Variants in VSTM2A observed in about 807,000 individuals in gnomAD.
The protein encoded by VSTM2A is V-set and transmembrane domain containing 2A.
A neutral mutation model predicts 27.3 loss-of-function variants in VSTM2A; 13 were observed. The observed-to-expected ratio is 0.48, with a 90% CI of 0.31 to 0.76. The LOEUF (loss-of-function observed/expected upper bound fraction) is 0.76, where lower values mean the gene tolerates loss of function less well. Among genes scored for constraint, VSTM2A ranks in the 30% least tolerant of loss-of-function variants. The pLI is 0.05. For synonymous variants in VSTM2A, 142 were observed against 125.7 expected (o/e 1.13, Z -0.87); for missense variants, 280 against 310.0 (o/e 0.90, Z 0.73).
At chr7:54,566,829 C>T (rs1403327480) in intron 4 of VSTM2A, among the ~76,000 whole-genome samples, 34 of 152,280 alleles carry the variant, frequency 2.2e-4, no homozygotes, top group Non-Finnish European at 7.3e-5. Context: ...CTGCGTGTCT[C>T]ACAAAAGAAA....
In VSTM2A at chr7:54,542,906, G is replaced by A. The variant is rs763102730; in HGVS notation, c.79+97G>A. Reference sequence around the variant, plus strand: ...ACAGGCAGATAGAATAAGCTTCCTAGCAAGTAACAGTGGGCTTAGGCTGTA... The same window carrying A: ...ACAGGCAGATAGAATAAGCTTCCTAACAAGTAACAGTGGGCTTAGGCTGTA... On this transcript the variant is annotated intron_variant, in intron 1 of 4. Coordinates refer to ENST00000402613, the MANE Select transcript of VSTM2A (RefSeq NM_001301009.2). The A allele has an allele frequency of 1.7e-4, 198 of 1,151,716 alleles. 1 individual carries two copies. The highest frequency in any genetic ancestry group is 2.2e-4 in the Non-Finnish European group (174 of 783,816). The allele number at this position is 1,151,716 out of a possible 1,614,324, so 71.3% of individuals were successfully genotyped here. A position where few individuals can be genotyped will look rare whatever the true frequency, so the allele number is the denominator to read the frequency against.
At chr7:54,547,368 T>C (rs1185382491) in intron 3 of VSTM2A, among the ~76,000 whole-genome samples, 1 of 152,172 alleles carries the variant, frequency 6.6e-6, no homozygotes, top group Non-Finnish European at 1.5e-5. Flanking sequence ...AAAATATTTT[T>C]AGGGAGAAAA....
chr7:54,557,983 T>C (rs541501462), intron 4 of VSTM2A: 1 of 152,140 alleles, frequency 6.6e-6, no homozygotes, highest in South Asian at 2.1e-4. Flanking sequence ...ATGCCATTAA[T>C]TGATGATAAA....
At chr7:54,567,653 C>T (rs573192041) in intron 4 of VSTM2A, among the ~76,000 whole-genome samples, 12 of 152,308 alleles carry the variant, frequency 7.9e-5, no homozygotes, top group South Asian at 2.1e-4. Flanking sequence ...TATTTTACCA[C>T]GTTGTATTTG....
At chr7:54,554,070 C>T in intron 4 of VSTM2A, 1 of 1,551,954 alleles carries the variant, frequency 6.4e-7, no homozygotes, top group Non-Finnish European at 8.7e-7. Context: ...GCTGGCTCCT[C>T]CAGGTAAATT....
chr7:54,559,669 C>T (rs1047706066), intron 4 of VSTM2A: 2 of 152,006 alleles, frequency 1.3e-5, no homozygotes, highest in East Asian at 1.9e-4. Context: ...GATATCATAG[C>T]GAGTCATGAA....
chr7:54,555,936 A>G (rs1331906444), intron 4 of VSTM2A, among the ~76,000 whole-genome samples: 1 of 152,228 alleles, frequency 6.6e-6, no homozygotes, highest in Admixed American at 6.5e-5. Flanking sequence ...AACTCCACCC[A>G]GTGCCTACTG....
chr7:54,544,804 G>C lies in VSTM2A; in HGVS notation c.246+16G>C. The C allele has an allele frequency of 3.2e-6, 5 of 1,584,652 alleles. No homozygotes were observed. Among genetic ancestry groups the C allele is most frequent in the Non-Finnish European group, 4.3e-6 (5 of 1,165,732 alleles). The stretch of plus-strand genomic sequence containing the variant: ...CGGCGCGCAGGTAGCGGAGCCCGCC[G>C]ACCCCGCGTCTCCCCTTCGCTCGCC... On this transcript the variant is annotated intron_variant, in intron 2 of 4. Transcript: ENST00000402613.
intron 4 of VSTM2A, among the ~76,000 whole-genome samples, chr7:54,556,338 G>A (rs901147834): frequency 1.3e-5 from 2 of 152,220 alleles, no homozygotes; most frequent in Non-Finnish European, 2.9e-5. Context: ...GAACCTGACT[G>A]TTAAGAGGCA....
chr7:54,550,273 A>G (rs1788146848), intron 4 of VSTM2A, 103 bp downstream of exon 4: 2 of 1,515,840 alleles, frequency 1.3e-6, no homozygotes, highest in Non-Finnish European at 8.8e-7. Flanking sequence ...GATTTTTAAA[A>G]TCGGAGACCT....
intron 4 of VSTM2A, among the ~76,000 whole-genome samples, chr7:54,561,923 G>T (rs1788573645): frequency 6.9e-6 from 1 of 144,402 alleles, no homozygotes; most frequent in Non-Finnish European, 1.5e-5. Context: ...TTAGTTTTTT[G>T]TTTGTTTTTT....
At position 54,544,606 on chromosome 7, in the gene VSTM2A, CCTTT is replaced by C; in HGVS notation, c.80-13_80-10del. 6.2e-7 allele frequency: 1 copy of C among 1,612,764 alleles called. No homozygotes were observed. Among genetic ancestry groups the C allele is most frequent in the Non-Finnish European group, 8.5e-7 (1 of 1,179,832 alleles). On this transcript the variant is annotated splice_polypyrimidine_tract_variant and intron_variant, in intron 1 of 4. Coordinates refer to ENST00000402613, the MANE Select transcript of VSTM2A (RefSeq NM_001301009.2). ...GGGGTGTGGATATTCCAACAGGATG[CCTTT>C]CTGTTTTGCAGCAAAATTTACCGAG...
At chr7:54,545,318 G>A (rs1229674778) in intron 2 of VSTM2A, among the ~76,000 whole-genome samples, 1 of 150,970 alleles carries the variant, frequency 6.6e-6, no homozygotes, top group Non-Finnish European at 1.5e-5. Flanking sequence ...GGAAAGGGGG[G>A]AAATGGAGGA....
chr7:54,552,401 A>G (rs1056955684), intron 4 of VSTM2A: 2 of 152,250 alleles, frequency 1.3e-5, no homozygotes, highest in African/African-American at 4.8e-5. Flanking sequence ...CTATACTTGC[A>G]CAATTATTAT....
At chr7:54,557,247 G>C (rs1788393116) in intron 4 of VSTM2A, 1 of 152,150 alleles carries the variant, frequency 6.6e-6, no homozygotes. Flanking sequence ...GTGCACAGCG[G>C]TTAAAGAGGA....
At chr7:54,547,564 T>A (rs916977802) in intron 3 of VSTM2A, among the ~76,000 whole-genome samples, 2 of 152,300 alleles carry the variant, frequency 1.3e-5, no homozygotes, top group Admixed American at 6.5e-5. Context: ...TGTAAACTTA[T>A]AGTTCCACTC....
chr7:54,553,957 AC>A, intron 4 of VSTM2A: 1 of 1,551,430 alleles, frequency 6.4e-7, no homozygotes, highest in Non-Finnish European at 8.7e-7. Context: ...TTTTCTACTG[AC>A]CCCCTTCCCA....
Position 54,546,973 on chromosome 7 carries a change from G to T in VSTM2A, c.273G>T (p.Pro91=). The T allele has an allele frequency of 6.3e-7, 1 of 1,594,378 alleles. No homozygotes were observed. The highest frequency in any genetic ancestry group is 1.1e-5 in the South Asian group (1 of 89,684). Residue 91 remains proline, a synonymous_variant, in exon 3 of 5, where the codon CCG becomes CCT. Coordinates refer to ENST00000402613, the MANE Select transcript of VSTM2A (RefSeq NM_001301009.2). ...AQVELLPDRD[P]DSDGTKISTV... is the part of the protein sequence containing the mutation. ...TGGAGCTCTTGCCCGACAGAGACCC[G>T]GACAGCGACGGGACCAAGATCAGCG...
At chr7:54,560,480 C>T (rs1788521537) in intron 4 of VSTM2A, among the ~76,000 whole-genome samples, 2 of 152,044 alleles carry the variant, frequency 1.3e-5, no homozygotes. Flanking sequence ...TGAGATGACT[C>T]ACACAACCCC....
Sources: allele counts gnomAD v4.1 joint callset (sites outside exome capture counted in the v4.1 genomes callset), GRCh38; gene constraint gnomAD v4.1.1; transcripts MANE v1.5; gene names NCBI Gene and HGNC (gene_info 2026-07-23, HGNC 2026-07-21).